The following TPRG1 variants were observed in gnomAD, a reference collection of about 807,000 sequenced individuals.
TPRG1 encodes the protein tumor protein p63-regulated gene 1 protein.
A neutral mutation model predicts 29.3 loss-of-function variants in TPRG1; 29 were observed. That is an observed-to-expected ratio of 0.99 (90% CI 0.74 to 1.35). The LOEUF is 1.35. TPRG1 is among the 40% of genes most tolerant of loss of function. TPRG1 has a pLI of 0.00. For synonymous variants in TPRG1, 130 were observed against 116.8 expected, an observed-to-expected ratio of 1.11 and a Z score of -0.73; for missense variants, 327 against 335.0, an observed-to-expected ratio of 0.98 and a Z score of 0.19.
chr3:189,018,096 A>T (rs936221807), intron 3 of TPRG1, among the ~76,000 whole-genome samples: 2 of 152,090 alleles, frequency 1.3e-5, no homozygotes, highest in African/African-American at 4.8e-5. Flanking sequence ...TTTCTCGTAA[A>T]TTTGTTGAAG....
At chr3:189,004,496 T>A (rs2152121716) in intron 2 of TPRG1, 1 of 152,276 alleles carries the variant, frequency 6.6e-6, no homozygotes, top group Non-Finnish European at 1.5e-5. Context: ...TAATAAAGAC[T>A]TCGTGTGTGG....
intron 3 of TPRG1, among the ~76,000 whole-genome samples, chr3:189,022,345 T>C (rs2152125065): frequency 6.8e-6 from 1 of 146,496 alleles, no homozygotes; most frequent in Non-Finnish European, 1.5e-5. Context: ...GTTCTGTTTT[T>C]TCCCCATCTT....
intron 3 of TPRG1, among the ~76,000 whole-genome samples, chr3:189,020,406 G>A (rs988702289): frequency 1.6e-4 from 24 of 151,904 alleles, no homozygotes; most frequent in Admixed American, 4.6e-4. Flanking sequence ...GCTTGAATGC[G>A]TCCCAGAGAT....
intron 4 of TPRG1, among the ~76,000 whole-genome samples, chr3:189,081,108 A>G (rs145929749): frequency 6.6e-6 from 1 of 152,340 alleles, no homozygotes; most frequent in East Asian, 1.9e-4. Flanking sequence ...AATAATTGTG[A>G]TTGAAACGGG....
At chr3:189,207,683 T>C in intron 2 of TPRG1, 89 bp downstream of exon 2, 1 of 1,231,216 alleles carries the variant, frequency 8.1e-7, no homozygotes, top group South Asian at 1.3e-5. Context: ...TTACTGAGTG[T>C]ACTCACATTT....
intron 4 of TPRG1, among the ~76,000 whole-genome samples, chr3:189,291,331 G>A (rs1332400078): frequency 6.6e-6 from 1 of 152,160 alleles, no homozygotes; most frequent in Non-Finnish European, 1.5e-5. Flanking sequence ...GACCAAATGA[G>A]GTGATCTGTT....
chr3:189,150,187 G>A (rs1161224330), intron 4 of TPRG1, among the ~76,000 whole-genome samples: 1 of 152,060 alleles, frequency 6.6e-6, no homozygotes, highest in Non-Finnish European at 1.5e-5. Flanking sequence ...GGCTTTGTAG[G>A]GATTTCTTTT....
intron 4 of TPRG1, among the ~76,000 whole-genome samples, chr3:189,056,311 G>C (rs920234332): frequency 7.2e-5 from 11 of 152,018 alleles, no homozygotes; most frequent in Non-Finnish European, 1.5e-4. Context: ...GGCCAGGTTT[G>C]TCTTGAACTC....
chr3:189,045,439 G>A (rs1224587315), intron 4 of TPRG1, among the ~76,000 whole-genome samples: 1 of 152,196 alleles, frequency 6.6e-6, no homozygotes, highest in African/African-American at 2.4e-5. Context: ...GTGGACAAAT[G>A]TAAGTGGAAA....
At chr3:189,106,435 A>G (rs895292275) in intron 1 of TPRG1, among the ~76,000 whole-genome samples, 2 of 152,134 alleles carry the variant, frequency 1.3e-5, no homozygotes, top group African/African-American at 4.8e-5. Context: ...GTCACCCATC[A>G]TAATTTTGTA....
intron 1 of TPRG1, among the ~76,000 whole-genome samples, chr3:189,202,455 A>G (rs897826525): frequency 6.6e-6 from 1 of 152,154 alleles, no homozygotes; most frequent in African/African-American, 2.4e-5. Flanking sequence ...CCACTGTAAC[A>G]ACATCAATAT....
At chr3:189,312,143 TTC>T (rs1722688379) in intron 5 of TPRG1, among the ~76,000 whole-genome samples, 2 of 61,290 alleles carry the variant, frequency 3.3e-5, no homozygotes, top group Non-Finnish European at 3.1e-5. Flanking sequence ...CTTTCTTTCT[TTC>T]TTTCTTTCTT....
intron 4 of TPRG1, among the ~76,000 whole-genome samples, chr3:189,056,178 C>T (rs1447190059): frequency 1.3e-5 from 2 of 152,018 alleles, no homozygotes; most frequent in African/African-American, 4.8e-5. Context: ...TCACCGCAAC[C>T]TCTGCCTCCC....
At chr3:189,245,127 G>T (rs1741189170) in intron 4 of TPRG1, among the ~76,000 whole-genome samples, 1 of 152,042 alleles carries the variant, frequency 6.6e-6, no homozygotes, top group African/African-American at 2.4e-5. Context: ...TCTCCATGTT[G>T]GTCAGGCTGG....
At chr3:189,008,078 C>A (rs1468049691) in intron 3 of TPRG1, among the ~76,000 whole-genome samples, 1 of 43,508 alleles carries the variant, frequency 2.3e-5, no homozygotes, top group Admixed American at 3.9e-4. Flanking sequence ...AAAAAAAAAA[C>A]GTTCTAGAAA....
chr3:189,199,316 A>G (rs1247823298), intron 1 of TPRG1, among the ~76,000 whole-genome samples: 1 of 152,234 alleles, frequency 6.6e-6, no homozygotes, highest in African/African-American at 2.4e-5. Context: ...CAATCTCTAC[A>G]GGCTTCCATC....
Position 189,055,241 on chromosome 3 carries a change from C to T in TPRG1, c.-463+31295C>T, listed in dbSNP as rs181325447. ...TTTCTTCTAGTGTTATCTCTTATTTCCTCTTCTTTCCAAAGACCTTCTACT... is the reference window on the plus strand; with the variant it reads ...TTTCTTCTAGTGTTATCTCTTATTTTCTCTTCTTTCCAAAGACCTTCTACT... On this transcript the variant is annotated intron_variant, in intron 4 of 10. Transcript: ENST00000433971. Among the ~76,000 whole-genome samples the T allele has an allele frequency of 6.6e-5, 10 of 152,292 alleles. No individual in the cohort carries two copies. The East Asian group carries it at 1.5e-3, about 24-fold the overall frequency.
Position 189,033,725 on chromosome 3 carries a change from A to G in TPRG1, c.-463+9779A>G, listed in dbSNP as rs373602843. On this transcript the variant is annotated intron_variant, in intron 4 of 10. Coordinates refer to the TPRG1 transcript ENST00000433971. ...CTTCCGAGTAGCTGGGACTACAGGT[A>G]CCAGCCACCATGCCCTAATTTTTTG... Among the ~76,000 whole-genome samples the G allele has an allele frequency of 2.0e-4, 31 of 152,010 alleles. No homozygotes were observed. The East Asian group carries it at 5.6e-3, about 28-fold the overall frequency.
chr3:189,115,223 GA>G (rs1721029562), intron 1 of TPRG1, among the ~76,000 whole-genome samples: 1 of 152,198 alleles, frequency 6.6e-6, no homozygotes, highest in Non-Finnish European at 1.5e-5. Flanking sequence ...GTCAGTTCTG[GA>G]ATTATTTCTC....
Sources: gnomAD v4.1 joint callset for allele counts (sites outside exome capture counted in the v4.1 genomes callset) on GRCh38, gnomAD v4.1.1 for gene constraint, MANE v1.5 for transcripts, NCBI Gene and HGNC (gene_info 2026-07-23, HGNC 2026-07-21) for gene names.